Variants in SVOP observed in about 807,000 individuals in gnomAD.
The protein encoded by SVOP is synaptic vesicle 2-related protein.
SVOP carries 17 observed loss-of-function variants against 69.1 expected under a neutral mutation model. The ratio of observed to expected loss-of-function variants is 0.25; its 90% CI spans 0.17 to 0.37. The LOEUF is 0.37. SVOP is among the 10% of genes least tolerant of loss of function. SVOP has a pLI of 1.00. For missense variants in SVOP, 435 were observed against 597.5 expected, an observed-to-expected ratio of 0.73 and a Z score of 2.84; for synonymous variants, 238 against 238.6, an observed-to-expected ratio of 1.00 and a Z score of 0.02.
Position 108,937,253 on chromosome 12 carries a change from A to G in SVOP, c.971+11T>C, listed in dbSNP as rs770517382. ...GGAAAGGGGTCAAAGTGGTCAACAA[A>G]CAGCTCTTACCATATAAACCACAGC... On this transcript the variant is annotated intron_variant, in intron 10 of 15. Transcript: ENST00000610966. 6.2e-7 allele frequency: 1 copy of G among 1,613,916 alleles called. No homozygotes were observed. The highest frequency in any genetic ancestry group is 1.1e-5 in the South Asian group (1 of 91,078).
At position 108,945,083 on chromosome 12, in the gene SVOP, C is replaced by T. The variant is rs370607048; in HGVS notation, c.642+20G>A. ...CCGGAATCCACATGCTCTAGAGACC[C>T]AGGCCGCTCTCCTCCTTACCTCAAT... On this transcript the variant is annotated intron_variant, in intron 7 of 15. Transcript: ENST00000610966. 2.7e-5 allele frequency: 41 copies of T among 1,536,660 alleles called. No individual in the cohort carries two copies. Among genetic ancestry groups the T allele is most frequent in the Non-Finnish European group, 2.6e-5 (30 of 1,146,584 alleles).
intron 11 of SVOP, 67 bp downstream of exon 11, chr12:108,934,128 G>A (rs538200794): frequency 3.4e-4 from 469 of 1,388,004 alleles, no homozygotes; most frequent in Middle Eastern, 2.8e-3. Flanking sequence ...GTGGGAGTGT[G>A]TGCATGACTG....
intron 7 of SVOP, among the ~76,000 whole-genome samples, chr12:108,941,369 C>A (rs2039890321): frequency 6.6e-6 from 1 of 152,130 alleles, no homozygotes; most frequent in Non-Finnish European, 1.5e-5. Context: ...ACTACAGGCA[C>A]ATGCCACCAT....
intron 1 of SVOP, among the ~76,000 whole-genome samples, chr12:108,995,655 C>T (rs2040227005): frequency 6.6e-6 from 1 of 152,158 alleles, no homozygotes; most frequent in African/African-American, 2.4e-5. Flanking sequence ...AATGCCAGTA[C>T]TTTGGGAAGC....
intron 9 of SVOP, among the ~76,000 whole-genome samples, chr12:108,937,653 C>A (rs2039864281): frequency 6.6e-6 from 1 of 152,086 alleles, no homozygotes; most frequent in African/African-American, 2.4e-5. Flanking sequence ...ACACAGCAAG[C>A]AGAAAACCAG....
intron 12 of SVOP, among the ~76,000 whole-genome samples, chr12:108,920,506 A>T (rs2039741682): frequency 6.6e-6 from 1 of 152,146 alleles, no homozygotes; most frequent in South Asian, 2.1e-4. Context: ...GGGCCTAAAA[A>T]ATAACACACT....
chr12:109,002,820 AG>A lies in SVOP; in HGVS notation c.35+18013del, dbSNP rs1377723461. On this transcript the variant is annotated intron_variant, in intron 1 of 15. Coordinates refer to ENST00000610966, the MANE Select transcript of SVOP (RefSeq NM_018711.5). ...CTGGGGACTGTGGTGGGGTGGGGGG[AG>A]GGGGGAGGGATAGCATTGGGAGATA... Among the ~76,000 whole-genome samples, 14 of 70,104 alleles carry A rather than the reference AG, an allele frequency of 2.0e-4. 1 individual carries two copies. The highest frequency in any genetic ancestry group is 8.1e-4 in the African/African-American group (14 of 17,292). The allele number at this position is 70,104 out of a possible 152,430, so 46.0% of individuals were successfully genotyped here.
intron 1 of SVOP, among the ~76,000 whole-genome samples, chr12:108,987,814 G>A (rs148816455): frequency 0.89 from 135,242 of 152,146 alleles, 61,229 homozygotes; most frequent in Non-Finnish European, 0.99. Context: ...ACTTCTTTCT[G>A]TATTCTGGAT....
chr12:108,938,684 C>T, intron 9 of SVOP, 143 bp downstream of exon 9: 1 of 1,357,732 alleles, frequency 7.4e-7, no homozygotes, highest in Non-Finnish European at 1.0e-6. Context: ...GGGCCCTCAT[C>T]TGCTCCATGT....
At chr12:108,963,030 T>A (rs1281323554) in intron 5 of SVOP, among the ~76,000 whole-genome samples, 1 of 152,072 alleles carries the variant, frequency 6.6e-6, no homozygotes, top group African/African-American at 2.4e-5. Context: ...TAATTACCCT[T>A]AGAGATTGGA....
chr12:108,978,611 C>A lies in SVOP; in HGVS notation c.249G>T (p.Gln83His). 1 of 704,008 alleles carries A rather than the reference C, an allele frequency of 1.4e-6. No individual in the cohort carries two copies. The highest frequency in any genetic ancestry group is 2.6e-6 in the Non-Finnish European group (1 of 384,950). 43.6% of individuals were successfully genotyped at this position (704,008 alleles called of 1,614,324 possible). ...AVEAIGFGKF[Q>H]WKLSVLTGLA... ...AGCCAGTGAGAACAGACAGCTTCCA[C>A]TGAAATTTTCCAAAGCCAATGGCTT... is the stretch of plus-strand genomic sequence containing the variant. Residue 83 changes from glutamine (Q) to histidine (H), a missense_variant, in exon 3 of 16, where the codon CAG becomes CAT. Coordinates refer to ENST00000610966, the MANE Select transcript of SVOP (RefSeq NM_018711.5).
chr12:108,919,635 C>T (rs777184905), intron 13 of SVOP, 40 bp downstream of exon 13: 1 of 1,518,436 alleles, frequency 6.6e-7, no homozygotes, highest in South Asian at 1.2e-5. Context: ...CACACCTCCA[C>T]CTGTGCTCAA....
At chr12:108,918,175 T>G (rs1827336386) in intron 13 of SVOP, 51 bp from the exon 14 acceptor site, 1 of 1,458,024 alleles carries the variant, frequency 6.9e-7, no homozygotes. Context: ...TCTGCTTGTT[T>G]CAGCATAGTC....
intron 9 of SVOP, 29 bp downstream of exon 9, chr12:108,938,798 T>C (rs2039871275): frequency 6.2e-7 from 1 of 1,613,862 alleles, no homozygotes. Context: ...GATACGCACA[T>C]TGCAGAGTCT....
rs143349267 is a variant in SVOP at position 109,009,032 on chromosome 12, G to A, written c.35+11802C>T. Among the ~76,000 whole-genome samples, 42 of 133,688 alleles carry A rather than the reference G, an allele frequency of 3.1e-4. No homozygotes were observed. In the East Asian group the frequency reaches 8.0e-3, roughly 25 times the overall value. 87.7% of individuals were successfully genotyped at this position (133,688 alleles called of 152,430 possible). On this transcript the variant is annotated intron_variant, in intron 1 of 15. Transcript: ENST00000610966. Reference sequence around the variant, plus strand: ...GCTGGAGTGCAGTGGCATGATATCCGCTCACTGCAGCGTCTGCTTCCCGGG... The same window carrying A: ...GCTGGAGTGCAGTGGCATGATATCCACTCACTGCAGCGTCTGCTTCCCGGG...
chr12:108,998,986 T>G (rs534741484), intron 1 of SVOP, among the ~76,000 whole-genome samples: 1 of 145,468 alleles, frequency 6.9e-6, no homozygotes, highest in East Asian at 2.0e-4. Context: ...GTAAATGGAC[T>G]AAATTCTCCA....
intron 12 of SVOP, among the ~76,000 whole-genome samples, chr12:108,921,327 G>A (rs61935516): frequency 2.6e-5 from 4 of 152,270 alleles, no homozygotes; most frequent in Non-Finnish European, 1.5e-5. Context: ...AGGTCTTAGC[G>A]CTGCCTGCTG....
rs996655112 is a variant in SVOP at position 108,908,030 on chromosome 12, C to A, written c.*4505G>T. 6.7e-6 allele frequency: 1 copy of A among 149,150 alleles called. No individual in the cohort carries two copies. The highest frequency in any genetic ancestry group is 1.5e-5 in the Non-Finnish European group (1 of 67,978). The allele number at this position is 149,150 out of a possible 1,614,324, so 9.2% of individuals were successfully genotyped here. On this transcript the variant is annotated 3_prime_UTR_variant, in exon 16 of 16. Coordinates refer to ENST00000610966, the MANE Select transcript of SVOP (RefSeq NM_018711.5). ...AATTGAATTGGACCAAGACTCAATC[C>A]AACACTAAACTGGGCCAATCAGCTT...
At chr12:108,963,221 A>C (rs1362099873) in intron 5 of SVOP, among the ~76,000 whole-genome samples, 1 of 152,148 alleles carries the variant, frequency 6.6e-6, no homozygotes, top group Non-Finnish European at 1.5e-5. Flanking sequence ...CCCAGGGAAC[A>C]CTTCAGGGGG....
Sources: gnomAD v4.1 joint callset for allele counts (sites outside exome capture counted in the v4.1 genomes callset) on GRCh38, gnomAD v4.1.1 for gene constraint, MANE v1.5 for transcripts, NCBI Gene and HGNC (gene_info 2026-07-23, HGNC 2026-07-21) for gene names.